TF: variants seen among roughly 807,000 people sequenced by gnomAD.
The protein encoded by TF is transferrin.
A neutral mutation model predicts 82.4 loss-of-function variants in TF; 55 were observed. The ratio of observed to expected loss-of-function variants is 0.67; its 90% CI spans 0.54 to 0.84. The LOEUF (loss-of-function observed/expected upper bound fraction) is 0.84, where lower values mean the gene tolerates loss of function less well. TF is among the 40% of genes least tolerant of loss of function. The pLI is 0.00. For synonymous variants in TF, 332 were observed against 332.6 expected, an observed-to-expected ratio of 1.00 and a Z score of 0.02; for missense variants, 737 against 868.4, an observed-to-expected ratio of 0.85 and a Z score of 1.90.
chr3:133,732,529 T>C, the TF span, among the ~76,000 whole-genome samples: 2 of 152,210 alleles, frequency 1.3e-5, no homozygotes, highest in African/African-American at 4.8e-5. Context: ...TCCGGTTCCT[T>C]TTCACAGTGT....
chr3:133,721,894 G>C, the TF span, among the ~76,000 whole-genome samples: 4 of 151,904 alleles, frequency 2.6e-5, no homozygotes, highest in East Asian at 7.7e-4. Flanking sequence ...TGTTGCTGTT[G>C]TTCGAGACAG....
At chr3:133,699,675 T>G in the TF span, 6 of 466,156 alleles carry the variant, frequency 1.3e-5, no homozygotes, top group African/African-American at 1.2e-4. Context: ...TGCTTGGATT[T>G]GGAGGGAGGT....
rs931040817 is a variant in TF, at chr3:133,755,443, G to T, written c.583G>T (p.Gly195Trp). Residue 195 changes from glycine (G) to tryptophan (W), a missense_variant, in exon 5 of 17, where the codon GGG becomes TGG. Coordinates refer to ENST00000402696, the MANE Select transcript of TF (RefSeq NM_001063.4). Reference sequence around the variant, plus strand: ...CCCCCAGCTGTGTCAACTGTGTCCAGGGTGTGGCTGCTCCACCCTTAACCA... The same window carrying T: ...CCCCCAGCTGTGTCAACTGTGTCCATGGTGTGGCTGCTCCACCCTTAACCA... Reference protein sequence around the residue: ...DFPQLCQLCPGCGCSTLNQYF... With the variant: ...DFPQLCQLCPWCGCSTLNQYF... The T allele has an allele frequency of 2.5e-6, 4 of 1,614,244 alleles. No individual in the cohort carries two copies. The highest frequency in any genetic ancestry group is 1.6e-4 in the Middle Eastern group (1 of 6,062).
the TF span, among the ~76,000 whole-genome samples, chr3:133,682,602 A>G: frequency 6.6e-6 from 1 of 152,134 alleles, no homozygotes; most frequent in Non-Finnish European, 1.5e-5. Flanking sequence ...TGGAAGAAAG[A>G]GTATCAGTGA....
chr3:133,753,931 C>G (rs3811655), intron 3 of TF: 154,129 of 614,792 alleles, frequency 0.25, 20,063 homozygotes, highest in Non-Finnish European at 0.28. Context: ...GGGCCAGGGG[C>G]ATATGCTTAT....
At chr3:133,676,643 G>T in the TF span, among the ~76,000 whole-genome samples, 1 of 152,238 alleles carries the variant, frequency 6.6e-6, no homozygotes, top group Non-Finnish European at 1.5e-5. Context: ...GCTCAGCACG[G>T]CCACGTGGGG....
the TF span, among the ~76,000 whole-genome samples, chr3:133,732,883 C>G: frequency 6.6e-6 from 1 of 152,202 alleles, no homozygotes; most frequent in Admixed American, 6.5e-5. Context: ...GGTGACTTGC[C>G]TAATTCACTG....
the TF span, among the ~76,000 whole-genome samples, chr3:133,685,190 A>G: frequency 2.6e-5 from 4 of 152,316 alleles, no homozygotes; most frequent in South Asian, 2.1e-4. Context: ...ATTAGGTATT[A>G]ATGGGACGTA....
intron 9 of TF, chr3:133,761,394 A>T (rs1426423272): frequency 6.6e-6 from 1 of 152,234 alleles, no homozygotes; most frequent in Non-Finnish European, 1.5e-5. Flanking sequence ...CCACTGTGGC[A>T]TGCAGCTGTA....
chr3:133,699,767 C>T, the TF span: 2 of 369,710 alleles, frequency 5.4e-6, no homozygotes, highest in Non-Finnish European at 1.0e-5. Context: ...TGATCCTCTT[C>T]ACTGACAAGC....
chr3:133,665,835 T>G, the TF span, among the ~76,000 whole-genome samples: 1 of 148,424 alleles, frequency 6.7e-6, no homozygotes, highest in East Asian at 2.0e-4. Context: ...CTCGGGAGGA[T>G]GAGATAGGAG....
At chr3:133,769,245 G>C (rs1227848445) in intron 13 of TF, among the ~76,000 whole-genome samples, 1 of 152,154 alleles carries the variant, frequency 6.6e-6, no homozygotes, top group Non-Finnish European at 1.5e-5. Context: ...TCCAGTTAGA[G>C]CCACTTTGTA....
chr3:133,772,011 C>T (rs1340160784), intron 14 of TF, among the ~76,000 whole-genome samples: 1 of 152,218 alleles, frequency 6.6e-6, no homozygotes, highest in African/African-American at 2.4e-5. Context: ...GGCTCAGCAC[C>T]AGCCCCTCCA....
chr3:133,749,985 G>A (rs7628133), intron 2 of TF, among the ~76,000 whole-genome samples: 2 of 152,144 alleles, frequency 1.3e-5, no homozygotes, highest in African/African-American at 4.8e-5. Flanking sequence ...CAGTTCTCTC[G>A]ATTAGGACTC....
At position 133,755,422 on chromosome 3, in the gene TF, C is replaced by T; in HGVS notation, c.562C>T (p.Gln188Ter). The change falls in exon 5 of 17, where the codon CAG (glutamine) becomes TAG (stop). Residue 188 changes from glutamine (Q) to a stop codon, truncating the protein, a stop_gained. Transcript: ENST00000402696. LOFTEE classifies it high-confidence loss of function. Reference protein sequence around the residue: ...APCADGTDFPQLCQLCPGCGC... With the variant: ...APCADGTDFP ...TTGTGCGGATGGGACGGACTTCCCC[C>T]AGCTGTGTCAACTGTGTCCAGGGTG... 6.2e-7 allele frequency: 1 copy of T among 1,614,230 alleles called. No homozygotes were observed. Among genetic ancestry groups the T allele is most frequent in the Non-Finnish European group, 8.5e-7 (1 of 1,180,052 alleles).
rs1447146425 is a variant in TF at position 133,780,297 on chromosome 3, C to T, written c.*1677C>T. ...CTTTTCCTTTGTTTGGTGAGATACC[C>T]CATGGCTCCCCTGGGACGCAGTCTG... On this transcript the variant is annotated 3_prime_UTR_variant, in exon 17 of 17. Coordinates refer to ENST00000402696, the MANE Select transcript of TF (RefSeq NM_001063.4). 6.6e-6 allele frequency: 1 copy of T among 152,180 alleles called. No individual in the cohort carries two copies. The highest frequency in any genetic ancestry group is 1.5e-5 in the Non-Finnish European group (1 of 68,052). The allele number at this position is 152,180 out of a possible 1,614,324, so 9.4% of individuals were successfully genotyped here.
the TF span, among the ~76,000 whole-genome samples, chr3:133,670,738 T>C: frequency 3.3e-5 from 5 of 152,212 alleles, no homozygotes; most frequent in African/African-American, 1.2e-4. Flanking sequence ...TCCAACCTTG[T>C]GTTAGAATGT....
rs1162900191 is a variant in TF at position 133,788,236 on chromosome 3, C to G, written c.*9616C>G. 6.6e-6 allele frequency: 1 copy of G among 152,238 alleles called. No homozygotes were observed. The highest frequency in any genetic ancestry group is 6.5e-5 in the Admixed American group (1 of 15,284). 9.4% of individuals were successfully genotyped at this position (152,238 alleles called of 1,614,324 possible). ...TGACTTTGTAACTTTATTTCATCCT[C>G]TCCATTTACATAGGGCGTACATCAA... is the stretch of plus-strand genomic sequence containing the variant. On this transcript the variant is annotated 3_prime_UTR_variant, in exon 17 of 17. Transcript: ENST00000402696.
At chr3:133,711,600 C>T in the TF span, among the ~76,000 whole-genome samples, 1 of 152,114 alleles carries the variant, frequency 6.6e-6, no homozygotes, top group East Asian at 1.9e-4. Flanking sequence ...TCTCCCTCCC[C>T]TTTGTGCTCC....
Sources: gnomAD v4.1 joint callset for allele counts (sites outside exome capture counted in the v4.1 genomes callset) on GRCh38, gnomAD v4.1.1 for gene constraint, MANE v1.5 for transcripts, NCBI Gene and HGNC (gene_info 2026-07-23, HGNC 2026-07-21) for gene names.